GRM7: variants seen among roughly 807,000 people sequenced by gnomAD.
GRM7 encodes the protein metabotropic glutamate receptor 7.
A neutral mutation model predicts 84.5 loss-of-function variants in GRM7; 35 were observed. The observed-to-expected ratio is 0.41, with a 90% CI of 0.32 to 0.55. The LOEUF (loss-of-function observed/expected upper bound fraction) is 0.55. Among genes scored for constraint, GRM7 ranks in the 20% least tolerant of loss-of-function variants. The probability of loss-of-function intolerance (pLI) is 0.19; values close to 1 mark genes in which losing one functional copy is unlikely to be tolerated. For missense variants in GRM7, 1,003 were observed against 1,194.6 expected (o/e 0.84, Z 2.36); for synonymous variants, 487 against 455.1 (o/e 1.07, Z -0.89).
At chr3:7,449,831 A>T (rs1697693421) in intron 5 of GRM7, among the ~76,000 whole-genome samples, 1 of 152,196 alleles carries the variant, frequency 6.6e-6, no homozygotes, top group Admixed American at 6.5e-5. Context: ...CAAATATTTA[A>T]CTTAAAAAAT....
At chr3:7,010,152 G>A (rs539907018) in intron 1 of GRM7, among the ~76,000 whole-genome samples, 1 of 152,144 alleles carries the variant, frequency 6.6e-6, no homozygotes, top group South Asian at 2.1e-4. Flanking sequence ...GAGATTCTGG[G>A]CCGGGCCAGT....
At chr3:7,661,931 A>G (rs188039702) in intron 8 of GRM7, among the ~76,000 whole-genome samples, 3 of 151,982 alleles carry the variant, frequency 2.0e-5, no homozygotes, top group Admixed American at 6.6e-5. Context: ...ATCCCCCCCA[A>G]TGAAAAATAT....
At chr3:7,162,070 G>A (rs1314135506) in intron 2 of GRM7, among the ~76,000 whole-genome samples, 5 of 152,152 alleles carry the variant, frequency 3.3e-5, no homozygotes, top group Non-Finnish European at 7.3e-5. Context: ...TGGTTGTTAC[G>A]AGCAGATTTA....
intron 1 of GRM7, among the ~76,000 whole-genome samples, chr3:7,133,560 T>C (rs1427015648): frequency 6.6e-6 from 1 of 152,178 alleles, no homozygotes; most frequent in Admixed American, 6.5e-5. Context: ...TCTACAGAGA[T>C]TTGACATTTA....
chr3:7,553,624 C>T (rs979914457), intron 7 of GRM7, among the ~76,000 whole-genome samples: 3 of 152,118 alleles, frequency 2.0e-5, no homozygotes, highest in African/African-American at 7.2e-5. Flanking sequence ...AAGGCATCTT[C>T]TTCATAAGGT....
chr3:7,732,196 TG>T (rs1575680155), intron 9 of GRM7, among the ~76,000 whole-genome samples: 5 of 152,244 alleles, frequency 3.3e-5, no homozygotes, highest in Admixed American at 2.0e-4. Flanking sequence ...TCTATGACAA[TG>T]CTGTGGTCTT....
intron 1 of GRM7, among the ~76,000 whole-genome samples, chr3:7,044,188 C>A (rs1467417101): frequency 6.6e-6 from 1 of 152,162 alleles, no homozygotes; most frequent in East Asian, 1.9e-4. Flanking sequence ...ATCTTCCAGA[C>A]TGGCATGGAT....
At chr3:7,285,536 G>A (rs139013432) in intron 2 of GRM7, among the ~76,000 whole-genome samples, 3 of 152,186 alleles carry the variant, frequency 2.0e-5, no homozygotes, top group African/African-American at 7.2e-5. Context: ...ATAAGGGGTG[G>A]TTGTCCAAAA....
At chr3:7,250,378 A>C (rs1575080474) in intron 2 of GRM7, among the ~76,000 whole-genome samples, 2 of 98,974 alleles carry the variant, frequency 2.0e-5, no homozygotes, top group South Asian at 8.5e-4. Flanking sequence ...ATATTTTATA[A>C]ATTATTTAAC....
At chr3:6,869,006 TA>T (rs1338461478) in intron 1 of GRM7, among the ~76,000 whole-genome samples, 1 of 152,192 alleles carries the variant, frequency 6.6e-6, no homozygotes, top group East Asian at 1.9e-4. Context: ...TCTTCTACAT[TA>T]TTGTTTAAAT....
At chr3:7,385,084 G>A (rs112302278) in intron 4 of GRM7, among the ~76,000 whole-genome samples, 4,138 of 152,050 alleles carry the variant, frequency 0.027, 78 homozygotes, top group Middle Eastern at 0.045. Flanking sequence ...AGAAATTAAA[G>A]CCTCCTTTTA....
chr3:7,355,787 A>T (rs557855294), intron 4 of GRM7, among the ~76,000 whole-genome samples: 1 of 152,218 alleles, frequency 6.6e-6, no homozygotes, highest in Non-Finnish European at 1.5e-5. Flanking sequence ...AGCAAGTTAC[A>T]TGAAGAAGTG....
At chr3:7,592,971 T>G (rs545963309) in intron 8 of GRM7, among the ~76,000 whole-genome samples, 1 of 152,300 alleles carries the variant, frequency 6.6e-6, no homozygotes, top group East Asian at 1.9e-4. Flanking sequence ...CCGAGTGGAC[T>G]GGTAACCTCT....
At position 7,393,432 on chromosome 3, in the gene GRM7, G is replaced by A. The variant is rs1306140816; in HGVS notation, c.1034-21591G>A. On this transcript the variant is annotated intron_variant, in intron 4 of 9. Coordinates refer to ENST00000357716, the MANE Select transcript of GRM7 (RefSeq NM_000844.4). The stretch of plus-strand genomic sequence containing the variant: ...AAAAGCCCATGTCAGAGCTCTGGAT[G>A]TTTCTCTCTCACTGTTTCCCTGTGT... 1.9e-4 allele frequency among the ~76,000 whole-genome samples: 29 copies of A among 152,284 alleles called. No individual in the cohort carries two copies. In the East Asian group the frequency reaches 5.6e-3, roughly 30 times the overall value.
At chr3:7,229,722 CACACATATATATAT>C (rs1553634638) in intron 2 of GRM7, among the ~76,000 whole-genome samples, 1,048 of 25,702 alleles carry the variant, frequency 0.041, 101 homozygotes, top group African/African-American at 0.12. Flanking sequence ...TCCATAGACA[CACACATATATATAT>C]ATATATATAT....
In GRM7 at chr3:7,120,673, G is replaced by A. The variant is rs116086489; in HGVS notation, c.520-25779G>A. ...TTAAAATAACAAATGTGGATCAAAG[G>A]CCATTTGCCATTTGTGAAACCAACA... On this transcript the variant is annotated intron_variant, in intron 1 of 9. Coordinates refer to ENST00000357716, the MANE Select transcript of GRM7 (RefSeq NM_000844.4). Among the ~76,000 whole-genome samples, 1,338 of 152,138 alleles carry A rather than the reference G, an allele frequency of 8.8e-3. 10 individuals are homozygous for A. Among genetic ancestry groups the A allele is most frequent in the African/African-American group, 0.028 (1,183 of 41,512 alleles).
chr3:7,354,406 G>C (rs1343243747), intron 4 of GRM7, among the ~76,000 whole-genome samples: 1 of 152,084 alleles, frequency 6.6e-6, no homozygotes, highest in Admixed American at 6.6e-5. Flanking sequence ...TATTTTCCCA[G>C]GTTCAGATGC....
chr3:7,531,846 T>C (rs2875321), intron 7 of GRM7, among the ~76,000 whole-genome samples: 13,807 of 152,180 alleles, frequency 0.091, 778 homozygotes, highest in Non-Finnish European at 0.11. Context: ...CTATGTTGAA[T>C]AGGAGTGGGG....
chr3:7,375,198 C>T (rs1381037416), intron 4 of GRM7, among the ~76,000 whole-genome samples: 2 of 149,732 alleles, frequency 1.3e-5, no homozygotes, highest in Admixed American at 1.3e-4. Context: ...TAAACTGGCT[C>T]TCATTTAAAC....
Sources: allele counts gnomAD v4.1 joint callset (sites outside exome capture counted in the v4.1 genomes callset), GRCh38; gene constraint gnomAD v4.1.1; transcripts MANE v1.5; gene names NCBI Gene and HGNC (gene_info 2026-07-23, HGNC 2026-07-21).